The following CTTNBP2 variants were observed in gnomAD, a reference collection of about 807,000 sequenced individuals.
CTTNBP2 encodes the protein cortactin-binding protein 2.
In CTTNBP2, 108 loss-of-function variants were observed where a neutral mutation model predicts 156.9. The observed-to-expected ratio is 0.69, with a 90% CI of 0.59 to 0.81. The LOEUF is 0.81. Among genes scored for constraint, CTTNBP2 ranks in the 30% least tolerant of loss-of-function variants. The pLI is 0.00. For missense variants in CTTNBP2, 1,924 were observed against 2,035.4 expected (o/e 0.95, Z 1.05); for synonymous variants, 767 against 751.8 (o/e 1.02, Z -0.33).
chr7:117,758,098 C>T lies in CTTNBP2; in HGVS notation c.3173-128G>A, dbSNP rs948160993. 19 of 662,692 alleles carry T rather than the reference C, an allele frequency of 2.9e-5. No individual in the cohort carries two copies. The Admixed American group carries it at 3.4e-4, about 12-fold the overall frequency. 41.1% of individuals were successfully genotyped at this position (662,692 alleles called of 1,614,324 possible). ...GAGCTTTAATTGTCAAAGGCATGTACGGAACACATATAGGGCCACACAAGG... is the reference window on the plus strand; with the variant it reads ...GAGCTTTAATTGTCAAAGGCATGTATGGAACACATATAGGGCCACACAAGG... On this transcript the variant is annotated intron_variant, in intron 10 of 22. Coordinates refer to ENST00000160373, the MANE Select transcript of CTTNBP2 (RefSeq NM_033427.3).
intron 19 of CTTNBP2, among the ~76,000 whole-genome samples, chr7:117,721,977 T>TAAAG (rs1794816824): frequency 6.6e-6 from 1 of 152,218 alleles, no homozygotes; most frequent in African/African-American, 2.4e-5. Flanking sequence ...AAATTTTCTC[T>TAAAG]AAAGAATGTT....
At chr7:117,865,197 C>T (rs1234868689) in intron 1 of CTTNBP2, among the ~76,000 whole-genome samples, 1 of 151,576 alleles carries the variant, frequency 6.6e-6, no homozygotes, top group Admixed American at 6.6e-5. Context: ...AAATTAAGGT[C>T]TCTATCAGGG....
At chr7:117,768,581 A>AAAAAAAAAAAAAAAAAAAAAGAAAG (rs1554419704) in intron 8 of CTTNBP2, among the ~76,000 whole-genome samples, 1 of 99,110 alleles carries the variant, frequency 1.0e-5, no homozygotes, top group Non-Finnish European at 1.8e-5. Context: ...AAAAAAAAAA[A>AAAAAAAAAAAAAAAAAAAAAGAAAG]AAAGAAAGAA....
At position 117,791,240 on chromosome 7, in the gene CTTNBP2, T is replaced by C. The variant is rs1405172742; in HGVS notation, c.1956A>G (p.Ser652=). The change falls in exon 4 of 23, where the codon TCA becomes TCG. Residue 652 remains serine (S), a synonymous_variant. Transcript: ENST00000160373. ...TGGTAGGAATGACAAGGGAACTGTC[T>C]GAACATGCAGGTTGGTTCAGTCCGG... is the stretch of plus-strand genomic sequence containing the variant. ...ATPGLNQPAC[S]DSSLVIPTTI... The C allele has an allele frequency of 1.9e-6, 3 of 1,614,172 alleles. No homozygotes were observed. The highest frequency in any genetic ancestry group is 3.3e-4 in the Middle Eastern group (2 of 6,062).
intron 2 of CTTNBP2, among the ~76,000 whole-genome samples, chr7:117,853,970 T>C (rs1052277913): frequency 6.6e-6 from 1 of 152,248 alleles, no homozygotes; most frequent in Non-Finnish European, 1.5e-5. Context: ...TTACTAATGG[T>C]AAATGTTTAT....
At chr7:117,860,331 G>GT (rs1803633971) in intron 2 of CTTNBP2, among the ~76,000 whole-genome samples, 1 of 151,936 alleles carries the variant, frequency 6.6e-6, no homozygotes, top group East Asian at 1.9e-4. Context: ...TTGATGTATT[G>GT]TTTTTTCTTT....
intron 14 of CTTNBP2, among the ~76,000 whole-genome samples, chr7:117,744,191 T>C (rs1324346112): frequency 1.3e-5 from 2 of 152,228 alleles, no homozygotes; most frequent in African/African-American, 4.8e-5. Context: ...CTTCTAGTTA[T>C]TTTACAATGT....
intron 2 of CTTNBP2, among the ~76,000 whole-genome samples, chr7:117,826,254 GAACAT>G (rs770264894): frequency 1.3e-5 from 2 of 152,014 alleles, no homozygotes; most frequent in Non-Finnish European, 2.9e-5. Flanking sequence ...AAACATGCAT[GAACAT>G]AACACTCCAT....
chr7:117,850,082 A>C lies in CTTNBP2; in HGVS notation c.189+11127T>G, dbSNP rs372329477. ...GCCTAGCAGTTAGGGCTCAGCAAACAAAGGCAGGTATTACCTGGAGGTTTT... is the reference window on the plus strand; with the variant it reads ...GCCTAGCAGTTAGGGCTCAGCAAACCAAGGCAGGTATTACCTGGAGGTTTT... On this transcript the variant is annotated intron_variant, in intron 2 of 22. Coordinates refer to ENST00000160373, the MANE Select transcript of CTTNBP2 (RefSeq NM_033427.3). Among the ~76,000 whole-genome samples, 131 of 152,342 alleles carry C rather than the reference A, an allele frequency of 8.6e-4. 1 individual carries two copies. The highest frequency in any genetic ancestry group is 2.9e-3 in the African/African-American group (122 of 41,586).
chr7:117,726,693 T>C (rs544064385), intron 17 of CTTNBP2, among the ~76,000 whole-genome samples: 2 of 152,312 alleles, frequency 1.3e-5, no homozygotes, highest in South Asian at 4.1e-4. Flanking sequence ...TCGACAGAGT[T>C]GCAGCATCCC....
At chr7:117,863,646 T>C (rs775239242) in intron 1 of CTTNBP2, among the ~76,000 whole-genome samples, 5 of 152,256 alleles carry the variant, frequency 3.3e-5, no homozygotes, top group Non-Finnish European at 7.3e-5. Context: ...TGCCATCCTC[T>C]GTTTTCTCAT....
intron 2 of CTTNBP2, among the ~76,000 whole-genome samples, chr7:117,852,036 C>A (rs758324801): frequency 2.5e-4 from 38 of 152,210 alleles, no homozygotes; most frequent in Non-Finnish European, 4.6e-4. Flanking sequence ...GAAACCTGAA[C>A]TTTCTAACAA....
intron 9 of CTTNBP2, among the ~76,000 whole-genome samples, 190 bp from the exon 10 acceptor site, chr7:117,760,900 C>A (rs184809515): frequency 8.0e-4 from 121 of 152,186 alleles, no homozygotes; most frequent in African/African-American, 2.8e-3. Context: ...TCTTCAGTTT[C>A]TTTGGAAGCA....
At chr7:117,750,890 G>T (rs1215287130) in intron 12 of CTTNBP2, among the ~76,000 whole-genome samples, 1 of 152,084 alleles carries the variant, frequency 6.6e-6, no homozygotes, top group Non-Finnish European at 1.5e-5. Context: ...CTTTGAAAAA[G>T]ATCAAACACA....
intron 12 of CTTNBP2, chr7:117,755,244 G>T: frequency 5.0e-6 from 1 of 199,706 alleles, no homozygotes; most frequent in Admixed American, 6.1e-5. Flanking sequence ...CTGCTACTGT[G>T]GCTGCTGGTA....
At chr7:117,864,619 CA>C (rs1240050215) in intron 1 of CTTNBP2, among the ~76,000 whole-genome samples, 2 of 87,584 alleles carry the variant, frequency 2.3e-5, no homozygotes, top group African/African-American at 3.3e-5. Flanking sequence ...ACAAAAACTA[CA>C]TTTTTGTTAG....
At chr7:117,751,699 A>G (rs1463039612) in intron 12 of CTTNBP2, among the ~76,000 whole-genome samples, 2 of 152,238 alleles carry the variant, frequency 1.3e-5, no homozygotes, top group Admixed American at 1.3e-4. Flanking sequence ...TCACATACAT[A>G]GCAGACTGGG....
intron 8 of CTTNBP2, among the ~76,000 whole-genome samples, chr7:117,771,264 CA>C (rs1437350673): frequency 2.6e-5 from 4 of 152,128 alleles, no homozygotes; most frequent in African/African-American, 9.7e-5. Context: ...AGATAAAAAT[CA>C]AAGTCAGAGC....
chr7:117,872,624 A>G (rs1474413458), intron 1 of CTTNBP2, among the ~76,000 whole-genome samples: 1 of 152,126 alleles, frequency 6.6e-6, no homozygotes, highest in African/African-American at 2.4e-5. Flanking sequence ...AAGGAGAACA[A>G]TGTCTTGAAA....
Sources: gnomAD v4.1 joint callset for allele counts (sites outside exome capture counted in the v4.1 genomes callset) on GRCh38, gnomAD v4.1.1 for gene constraint, MANE v1.5 for transcripts, NCBI Gene and HGNC (gene_info 2026-07-23, HGNC 2026-07-21) for gene names.